The following SOX5 variants were observed in gnomAD, a reference collection of about 807,000 sequenced individuals.
The protein encoded by SOX5 is SRY-box transcription factor 5, also known as transcription factor SOX-5.
A neutral mutation model predicts 92.0 loss-of-function variants in SOX5; 9 were observed. The observed-to-expected ratio is 0.10, with a 90% CI of 0.06 to 0.17. SOX5 has a LOEUF of 0.17. Among genes scored for constraint, SOX5 ranks in the 10% least tolerant of loss-of-function variants. The pLI, the probability that SOX5 is intolerant of heterozygous loss-of-function variation, is 1.00. For synonymous variants in SOX5, 344 were observed against 336.3 expected (o/e 1.02, Z -0.25); for missense variants, 642 against 944.5 (o/e 0.68, Z 4.20).
chr12:23,662,166 T>G (rs148629172), intron 7 of SOX5, among the ~76,000 whole-genome samples: 2,955 of 151,732 alleles, frequency 0.019, 88 homozygotes, highest in Admixed American at 0.077. Context: ...TACATATATA[T>G]ATATAGAGAG....
intron 8 of SOX5, 55 bp from the exon 9 acceptor site, chr12:23,604,588 C>T (rs962158931): frequency 1.1e-4 from 168 of 1,540,292 alleles, no homozygotes; most frequent in Middle Eastern, 2.0e-4. Context: ...ATAAAATAAA[C>T]GTACCATTCA....
At chr12:24,556,994 G>A (rs1283636837) in intron 1 of SOX5, among the ~76,000 whole-genome samples, 1 of 152,176 alleles carries the variant, frequency 6.6e-6, no homozygotes, top group Non-Finnish European at 1.5e-5. Context: ...CATTTATTGA[G>A]CACCTAGTTC....
intron 4 of SOX5, among the ~76,000 whole-genome samples, chr12:24,121,567 C>T (rs1190312166): frequency 4.7e-5 from 5 of 106,020 alleles, no homozygotes; most frequent in African/African-American, 1.8e-4. Flanking sequence ...AAATGGCTAA[C>T]TTTTTTTTTT....
At chr12:23,729,287 C>T (rs1029378420) in intron 6 of SOX5, among the ~76,000 whole-genome samples, 4 of 152,118 alleles carry the variant, frequency 2.6e-5, no homozygotes, top group African/African-American at 2.4e-5. Context: ...CAAGATCACA[C>T]GGCAGATATC....
intron 4 of SOX5, among the ~76,000 whole-genome samples, chr12:24,143,071 A>C (rs1467287214): frequency 2.0e-5 from 3 of 152,122 alleles, no homozygotes; most frequent in Non-Finnish European, 4.4e-5. Flanking sequence ...AATTCACAGA[A>C]CTATGTTAGA....
intron 2 of SOX5, among the ~76,000 whole-genome samples, chr12:24,339,445 A>G (rs1315346652): frequency 1.3e-5 from 2 of 152,142 alleles, no homozygotes; most frequent in Non-Finnish European, 2.9e-5. Flanking sequence ...TACAGTAGAA[A>G]AAGCAAAAAA....
intron 3 of SOX5, among the ~76,000 whole-genome samples, chr12:24,250,851 T>C (rs888852202): frequency 1.3e-5 from 2 of 152,144 alleles, no homozygotes; most frequent in East Asian, 1.9e-4. Context: ...ACAACTCTAA[T>C]TGAAAGGCAC....
At chr12:24,065,662 AAAAAG>A (rs1569530498) in intron 4 of SOX5, among the ~76,000 whole-genome samples, 3 of 120,618 alleles carry the variant, frequency 2.5e-5, no homozygotes, top group Non-Finnish European at 4.0e-5. Flanking sequence ...AAAAAAAAAA[AAAAAG>A]AAAAGAAAAA....
intron 4 of SOX5, among the ~76,000 whole-genome samples, chr12:23,754,196 G>C (rs147718317): frequency 1.8e-3 from 270 of 151,746 alleles, no homozygotes; most frequent in African/African-American, 6.3e-3. Flanking sequence ...AGTTTGACTT[G>C]TGAAGGAAAA....
intron 9 of SOX5, among the ~76,000 whole-genome samples, chr12:23,600,034 A>G (rs1421341911): frequency 6.6e-6 from 1 of 152,182 alleles, no homozygotes; most frequent in Non-Finnish European, 1.5e-5. Flanking sequence ...CAGAAAGTTA[A>G]ACTACAAGCA....
chr12:24,506,427 A>AGAGG (rs1226198723), intron 1 of SOX5, among the ~76,000 whole-genome samples: 1 of 149,630 alleles, frequency 6.7e-6, no homozygotes, highest in Non-Finnish European at 1.5e-5. Context: ...AAAGAGAGAG[A>AGAGG]GAGATGCAAT....
intron 3 of SOX5, among the ~76,000 whole-genome samples, chr12:24,254,498 A>G (rs895041761): frequency 1.3e-5 from 2 of 151,800 alleles, no homozygotes; most frequent in African/African-American, 4.8e-5. Context: ...TACAGTAGGG[A>G]AAAAAAATCA....
intron 1 of SOX5, among the ~76,000 whole-genome samples, chr12:24,561,784 T>G (rs1597965236): frequency 3.1e-5 from 3 of 95,312 alleles, no homozygotes; most frequent in African/African-American, 1.5e-4. Flanking sequence ...GACGAAAGAG[T>G]CGGGAGGTGG....
chr12:23,643,704 A>AT (rs1480506194), intron 7 of SOX5, among the ~76,000 whole-genome samples: 2 of 152,114 alleles, frequency 1.3e-5, no homozygotes, highest in South Asian at 4.1e-4. Flanking sequence ...GACAGTGATA[A>AT]TTTTTTTCAT....
intron 2 of SOX5, among the ~76,000 whole-genome samples, chr12:23,893,880 A>G (rs1463026901): frequency 6.6e-6 from 1 of 152,228 alleles, no homozygotes; most frequent in Non-Finnish European, 1.5e-5. Context: ...AGCTCACAGT[A>G]AAAAGGAGAG....
intron 1 of SOX5, among the ~76,000 whole-genome samples, chr12:24,555,991 C>G (rs1953743507): frequency 6.6e-6 from 1 of 152,204 alleles, no homozygotes; most frequent in Non-Finnish European, 1.5e-5. Context: ...AATGCTGATA[C>G]AGGCCATTCT....
chr12:23,603,445 A>AATATATATATATATATAAAATATATAT (rs2074793331), intron 9 of SOX5, among the ~76,000 whole-genome samples: 1 of 124,858 alleles, frequency 8.0e-6, no homozygotes, highest in Non-Finnish European at 1.8e-5. Flanking sequence ...ATATATATAA[A>AATATATATATATATATAAAATATATAT]ATATATATAT....
chr12:23,695,940 CAAAAAAA>C (rs71059917), intron 6 of SOX5, among the ~76,000 whole-genome samples: 109 of 11,890 alleles, frequency 9.2e-3, no homozygotes, highest in Non-Finnish European at 0.016. Flanking sequence ...GACTCTGTCT[CAAAAAAA>C]AAAAAAAAAA....
At chr12:24,086,780 G>A (rs575487050) in intron 4 of SOX5, among the ~76,000 whole-genome samples, 5 of 151,890 alleles carry the variant, frequency 3.3e-5, no homozygotes, top group East Asian at 3.9e-4. Context: ...TACATTAGTC[G>A]TTACATATAA....
Sources: gnomAD v4.1 joint callset for allele counts (sites outside exome capture counted in the v4.1 genomes callset) on GRCh38, gnomAD v4.1.1 for gene constraint, MANE v1.5 for transcripts, NCBI Gene and HGNC (gene_info 2026-07-23, HGNC 2026-07-21) for gene names.